The following DNM3 variants were observed in gnomAD, a reference collection of about 807,000 sequenced individuals.
DNM3 encodes the protein dynamin 3, also known as dynamin-3.
A neutral mutation model predicts 101.6 loss-of-function variants in DNM3; 47 were observed. The observed-to-expected ratio is 0.46, with a 90% CI of 0.37 to 0.59. The LOEUF is 0.59. Ranked by LOEUF, DNM3 falls within the 20% of genes least tolerant of loss-of-function variation. DNM3 has a pLI of 0.00. For synonymous variants in DNM3, 385 were observed against 387.9 expected (o/e 0.99, Z 0.09); for missense variants, 849 against 1,085.7 (o/e 0.78, Z 3.06).
At chr1:172,367,885 T>C (rs2068105601) in intron 17 of DNM3, among the ~76,000 whole-genome samples, 1 of 151,966 alleles carries the variant, frequency 6.6e-6, no homozygotes, top group Non-Finnish European at 1.5e-5. Flanking sequence ...TAGAATGTAA[T>C]TGAATCATGG....
chr1:171,892,410 A>C (rs576832143), intron 1 of DNM3, among the ~76,000 whole-genome samples: 1 of 152,310 alleles, frequency 6.6e-6, no homozygotes, highest in East Asian at 1.9e-4. Context: ...AAGGGAATGT[A>C]TTTGCATATA....
rs1460499629 is a variant in DNM3, at chr1:171,860,159, AC to A, written c.161+18346del. Among the ~76,000 whole-genome samples, 3 of 152,270 alleles carry A rather than the reference AC, an allele frequency of 2.0e-5. 1 individual carries two copies. The highest frequency in any genetic ancestry group is 7.2e-5 in the African/African-American group (3 of 41,568). On this transcript the variant is annotated intron_variant, in intron 1 of 20. Coordinates refer to ENST00000627582, the MANE Select transcript of DNM3 (RefSeq NM_015569.5). ...AGTGCTTTTCAAGACAATAGTCACT[AC>A]CCCATGTAGCTATTATAACTAATGC...
chr1:172,295,180 A>G (rs1485135444), intron 15 of DNM3, among the ~76,000 whole-genome samples: 1 of 152,198 alleles, frequency 6.6e-6, no homozygotes, highest in Non-Finnish European at 1.5e-5. Flanking sequence ...TTTCTTCACT[A>G]CATCAACTTG....
chr1:172,328,108 A>G (rs142665905), intron 17 of DNM3, among the ~76,000 whole-genome samples: 1 of 152,302 alleles, frequency 6.6e-6, no homozygotes, highest in Non-Finnish European at 1.5e-5. Context: ...CTGCTTAGAA[A>G]GCTTATAGTA....
rs2031172666 is a variant in DNM3 at position 171,841,516 on chromosome 1, G to A, written c.-141G>A. ...AGCTGTCAGAGCCAAGCGGCGGGCT[G>A]GCGGCGGGCTCCGACGTCTGCGCCA... On this transcript the variant is annotated 5_prime_UTR_variant, in exon 1 of 21. Transcript: ENST00000627582. 8.3e-6 allele frequency: 10 copies of A among 1,211,186 alleles called. No individual in the cohort carries two copies. In the Admixed American group the frequency reaches 2.3e-4, roughly 28 times the overall value. The allele number at this position is 1,211,186 out of a possible 1,614,324, so 75.0% of individuals were successfully genotyped here.
intron 2 of DNM3, among the ~76,000 whole-genome samples, chr1:171,977,365 G>A (rs2044454057): frequency 6.6e-6 from 1 of 152,184 alleles, no homozygotes; most frequent in South Asian, 2.1e-4. Flanking sequence ...AACCACAAGT[G>A]AGAATGGGAA....
chr1:172,049,769 A>C (rs1381785329), intron 10 of DNM3, among the ~76,000 whole-genome samples: 1 of 152,232 alleles, frequency 6.6e-6, no homozygotes. Flanking sequence ...TTTCTGAAAA[A>C]CCAGTGGGAA....
chr1:171,968,457 C>A (rs1017431420), intron 2 of DNM3, among the ~76,000 whole-genome samples: 3 of 152,046 alleles, frequency 2.0e-5, no homozygotes, highest in African/African-American at 7.2e-5. Context: ...AAACGGAAAA[C>A]CAAAAAAGGC....
At chr1:172,215,280 T>A (rs2060652511) in intron 14 of DNM3, among the ~76,000 whole-genome samples, 1 of 152,114 alleles carries the variant, frequency 6.6e-6, no homozygotes, top group Non-Finnish European at 1.5e-5. Flanking sequence ...AACAATGTTC[T>A]CCAGAAATGC....
chr1:172,050,550 G>C (rs2050133443), intron 10 of DNM3, among the ~76,000 whole-genome samples: 1 of 152,194 alleles, frequency 6.6e-6, no homozygotes, highest in Admixed American at 6.6e-5. Flanking sequence ...GCTATGAAAA[G>C]ACTTGATAAC....
chr1:172,195,123 C>T (rs2059900567), intron 14 of DNM3, among the ~76,000 whole-genome samples: 1 of 152,030 alleles, frequency 6.6e-6, no homozygotes, highest in South Asian at 2.1e-4. Flanking sequence ...ACTTATGAAG[C>T]TTAGTTTGGC....
intron 14 of DNM3, 146 bp downstream of exon 14, chr1:172,131,434 T>C (rs2056930003): frequency 1.5e-6 from 1 of 655,658 alleles, no homozygotes. Flanking sequence ...AAAGGCACTA[T>C]TATTTTCTTA....
At chr1:172,187,893 C>T (rs912548919) in intron 14 of DNM3, among the ~76,000 whole-genome samples, 1 of 152,030 alleles carries the variant, frequency 6.6e-6, no homozygotes, top group South Asian at 2.1e-4. Flanking sequence ...GTCCTGGTTT[C>T]TCAGTTCCTT....
intron 14 of DNM3, among the ~76,000 whole-genome samples, chr1:172,202,532 C>T (rs951523879): frequency 2.0e-5 from 3 of 152,064 alleles, no homozygotes; most frequent in Admixed American, 2.0e-4. Context: ...CACTTCATTA[C>T]TTTATATATG....
intron 1 of DNM3, among the ~76,000 whole-genome samples, chr1:171,867,761 T>C (rs551909321): frequency 1.7e-4 from 26 of 152,352 alleles, no homozygotes; most frequent in African/African-American, 5.3e-4. Context: ...TATTTGGTAT[T>C]TGTGGGTTTT....
chr1:171,920,913 T>C (rs1372181267), intron 1 of DNM3, among the ~76,000 whole-genome samples: 1 of 152,178 alleles, frequency 6.6e-6, no homozygotes, highest in African/African-American at 2.4e-5. Flanking sequence ...TATTTCTACT[T>C]GATCCCACAT....
At chr1:171,986,044 A>G (rs2045228124) in intron 2 of DNM3, among the ~76,000 whole-genome samples, 1 of 152,170 alleles carries the variant, frequency 6.6e-6, no homozygotes, top group African/African-American at 2.4e-5. Context: ...TTTTCCAATG[A>G]GATCAAAGTT....
At chr1:172,312,242 A>G (rs1385793960) in intron 16 of DNM3, among the ~76,000 whole-genome samples, 1 of 152,214 alleles carries the variant, frequency 6.6e-6, no homozygotes, top group Non-Finnish European at 1.5e-5. Flanking sequence ...TCAATAAACC[A>G]TTGAGTCTAC....
chr1:172,373,838 A>T (rs2068473370), intron 17 of DNM3, among the ~76,000 whole-genome samples: 1 of 152,130 alleles, frequency 6.6e-6, no homozygotes, highest in South Asian at 2.1e-4. Context: ...TCTTTGTCTA[A>T]GCAATCTTCT....
Sources: allele counts gnomAD v4.1 joint callset (sites outside exome capture counted in the v4.1 genomes callset), GRCh38; gene constraint gnomAD v4.1.1; transcripts MANE v1.5; gene names NCBI Gene and HGNC (gene_info 2026-07-23, HGNC 2026-07-21).